The following KCNH8 variants were observed in gnomAD, a reference collection of about 807,000 sequenced individuals.
The protein encoded by KCNH8 is voltage-gated delayed rectifier potassium channel KCNH8.
In KCNH8, 70 loss-of-function variants were observed where a neutral mutation model predicts 103.6. That is an observed-to-expected ratio of 0.68 (90% CI 0.56 to 0.82). The LOEUF (loss-of-function observed/expected upper bound fraction) is 0.82. Ranked by LOEUF, KCNH8 falls within the 40% of genes least tolerant of loss-of-function variation. KCNH8 has a pLI of 0.00. For missense variants in KCNH8, 1,217 were observed against 1,329.9 expected (o/e 0.92, Z 1.32); for synonymous variants, 498 against 489.4 (o/e 1.02, Z -0.23).
chr3:19,476,801 C>CT (rs1370388767), intron 11 of KCNH8, among the ~76,000 whole-genome samples: 1 of 152,116 alleles, frequency 6.6e-6, no homozygotes, highest in Non-Finnish European at 1.5e-5. Context: ...CCCTCTTTCC[C>CT]TCAAAATCAT....
intron 8 of KCNH8, among the ~76,000 whole-genome samples, chr3:19,440,102 C>G (rs2067259622): frequency 6.6e-6 from 1 of 152,064 alleles, no homozygotes; most frequent in South Asian, 2.1e-4. Context: ...GGAGAACCAA[C>G]ATATGTATAT....
chr3:19,149,412 A>G (rs531553906), intron 1 of KCNH8, among the ~76,000 whole-genome samples: 2 of 152,128 alleles, frequency 1.3e-5, no homozygotes, highest in African/African-American at 4.8e-5. Context: ...GAAGAAGGAC[A>G]TGAATAAAGA....
At chr3:19,352,752 AT>A (rs1291077882) in intron 5 of KCNH8, among the ~76,000 whole-genome samples, 1 of 152,234 alleles carries the variant, frequency 6.6e-6, no homozygotes, top group Admixed American at 6.5e-5. Context: ...AGGGAAATTT[AT>A]AGCACTAAAT....
intron 11 of KCNH8, among the ~76,000 whole-genome samples, chr3:19,484,658 C>A (rs1359458700): frequency 6.6e-6 from 1 of 151,876 alleles, no homozygotes; most frequent in African/African-American, 2.4e-5. Context: ...TGGGGGTGGT[C>A]AGGATGATGG....
At chr3:19,285,864 GAAATAATAAATTCTTCTCAGAC>G (rs2064824812) in intron 3 of KCNH8, among the ~76,000 whole-genome samples, 1 of 152,168 alleles carries the variant, frequency 6.6e-6, no homozygotes, top group Non-Finnish European at 1.5e-5. Flanking sequence ...TAGAATGACA[GAAATAATAAATTCTTCTCAGAC>G]AAGGAAGCAA....
chr3:19,509,374 A>T (rs1282959816), intron 11 of KCNH8, among the ~76,000 whole-genome samples: 2 of 152,028 alleles, frequency 1.3e-5, no homozygotes, highest in Non-Finnish European at 2.9e-5. Flanking sequence ...TCAAGTACAA[A>T]TTTTTTTTCA....
rs753876145 is a variant in KCNH8, at chr3:19,281,296, A to G, written c.409A>G (p.Lys137Glu). 6.2e-7 allele frequency: 1 copy of G among 1,609,854 alleles called. No individual in the cohort carries two copies. Among genetic ancestry groups the G allele is most frequent in the Non-Finnish European group, 8.5e-7 (1 of 1,177,892 alleles). The change falls in exon 3 of 16, where the codon AAA becomes GAA. Residue 137 changes from lysine to glutamate, a missense_variant. By Grantham distance (56) the Lys-to-Glu change is moderately conservative (BLOSUM62 1). Transcript: ENST00000328405. ...LASFKDITDT[K>E]VKITPEDKKE... Reference sequence around the variant, plus strand: ...CTCGTTCAAAGATATAACAGATACAAAAGTGAAGATTACTCCAGAAGATAA... The same window carrying G: ...CTCGTTCAAAGATATAACAGATACAGAAGTGAAGATTACTCCAGAAGATAA...
chr3:19,524,430 A>C (rs2069027692), intron 15 of KCNH8, among the ~76,000 whole-genome samples: 3 of 151,950 alleles, frequency 2.0e-5, no homozygotes, highest in African/African-American at 7.2e-5. Flanking sequence ...TTTTGTGGAC[A>C]TAGGCTTTTA....
chr3:19,224,838 C>G, intron 1 of KCNH8, among the ~76,000 whole-genome samples: 1 of 152,098 alleles, frequency 6.6e-6, no homozygotes, highest in East Asian at 1.9e-4. Flanking sequence ...GAGTACTGTA[C>G]AAACAGATGA....
Position 19,438,221 on chromosome 3 carries a change from TGG to T in KCNH8, c.1240_1241del (p.Gly414ProfsTer29). The T allele has an allele frequency of 6.2e-7, 1 of 1,614,040 alleles. No homozygotes were observed. Among genetic ancestry groups the T allele is most frequent in the Non-Finnish European group, 8.5e-7 (1 of 1,179,992 alleles). Reference sequence around the variant, plus strand: ...TCTCCATACTATGGCAACAATACCTTGGGGGGCCCGTCGATCCGAAGTGCCTA... The same window carrying T: ...TCTCCATACTATGGCAACAATACCTTGGGGCCCGTCGATCCGAAGTGCCTA... On this transcript the variant is annotated frameshift_variant, in exon 8 of 16. Coordinates refer to ENST00000328405, the MANE Select transcript of KCNH8 (RefSeq NM_144633.3). LOFTEE classifies it high-confidence loss of function.
intron 1 of KCNH8, among the ~76,000 whole-genome samples, chr3:19,223,914 TAAA>T (rs2063901828): frequency 6.6e-6 from 1 of 152,174 alleles, no homozygotes; most frequent in Non-Finnish European, 1.5e-5. Context: ...TTTTCTGAGA[TAAA>T]AAGGTATTCA....
chr3:19,310,221 TTTTA>T (rs2065190858), intron 3 of KCNH8, among the ~76,000 whole-genome samples: 1 of 151,956 alleles, frequency 6.6e-6, no homozygotes. Context: ...AGAATTTTCC[TTTTA>T]TTTTTTATCC....
At chr3:19,401,343 C>A (rs1026013939) in intron 7 of KCNH8, among the ~76,000 whole-genome samples, 3 of 151,942 alleles carry the variant, frequency 2.0e-5, no homozygotes, top group Non-Finnish European at 4.4e-5. Flanking sequence ...CCTTTTCCAC[C>A]GTCCTATACT....
chr3:19,496,496 T>C (rs1057064999), intron 11 of KCNH8, among the ~76,000 whole-genome samples: 1 of 152,206 alleles, frequency 6.6e-6, no homozygotes, highest in Non-Finnish European at 1.5e-5. Context: ...GAATCATATT[T>C]ATTTATTTGT....
At chr3:19,156,791 G>A (rs2063184774) in intron 1 of KCNH8, among the ~76,000 whole-genome samples, 3 of 151,876 alleles carry the variant, frequency 2.0e-5, no homozygotes, top group Admixed American at 2.0e-4. Context: ...CCTTGTTAGG[G>A]TCATATAGAG....
chr3:19,309,594 C>G (rs1179797806), intron 3 of KCNH8, among the ~76,000 whole-genome samples: 1 of 151,728 alleles, frequency 6.6e-6, no homozygotes, highest in African/African-American at 2.4e-5. Context: ...ATATATTATT[C>G]TATATAGTAA....
chr3:19,376,475 C>T (rs1254326315), intron 5 of KCNH8, among the ~76,000 whole-genome samples: 5 of 152,166 alleles, frequency 3.3e-5, no homozygotes, highest in Admixed American at 3.3e-4. Context: ...GGTGCGCGCA[C>T]CCACTGACCT....
At chr3:19,241,864 C>T (rs1289745683) in intron 1 of KCNH8, among the ~76,000 whole-genome samples, 1 of 151,968 alleles carries the variant, frequency 6.6e-6, no homozygotes, top group Admixed American at 6.6e-5. Context: ...TCACAAATAA[C>T]TACAATATTG....
At position 19,533,454 on chromosome 3, in the gene KCNH8, G is replaced by C. The variant is rs1201927653; in HGVS notation, c.2679G>C (p.Gln893His). 2 of 1,614,010 alleles carry C rather than the reference G, an allele frequency of 1.2e-6. No individual in the cohort carries two copies. Among genetic ancestry groups the C allele is most frequent in the Admixed American group, 1.7e-5 (1 of 60,000 alleles). The change falls in exon 16 of 16, where the codon CAG (glutamine) becomes CAC (histidine). Residue 893 changes from glutamine to histidine, a missense_variant. Physicochemically the swap from Gln to His is conservative, Grantham distance 24. Transcript: ENST00000328405. The part of the protein sequence containing the change: ...QLGKDMRNVI[Q>H]LLENVLSPQQ... The stretch of plus-strand genomic sequence containing the variant: ...GTAAAGACATGAGAAATGTGATCCA[G>C]CTTCTGGAAAACGTTCTGTCACCTC...
Sources: allele counts gnomAD v4.1 joint callset (sites outside exome capture counted in the v4.1 genomes callset), GRCh38; gene constraint gnomAD v4.1.1; transcripts MANE v1.5; gene names NCBI Gene and HGNC (gene_info 2026-07-23, HGNC 2026-07-21).